Variants in MAGI2 observed in about 807,000 individuals in gnomAD.
MAGI2 encodes membrane-associated guanylate kinase, WW and PDZ domain-containing protein 2.
MAGI2 carries 35 observed loss-of-function variants against 133.3 expected under a neutral mutation model. The ratio of observed to expected loss-of-function variants is 0.26; its 90% CI spans 0.20 to 0.35. MAGI2 has a LOEUF of 0.35. MAGI2 is among the 10% of genes least tolerant of loss of function. The pLI is 1.00. For synonymous variants in MAGI2, 729 were observed against 710.6 expected, an observed-to-expected ratio of 1.03 and a Z score of -0.41; for missense variants, 1,636 against 1,863.4, an observed-to-expected ratio of 0.88 and a Z score of 2.25.
chr7:78,695,560 T>C (rs541495914), intron 2 of MAGI2, among the ~76,000 whole-genome samples: 1 of 152,332 alleles, frequency 6.6e-6, no homozygotes, highest in East Asian at 1.9e-4. Flanking sequence ...TTGGGGTTTC[T>C]AGACATTTCA....
Position 78,844,393 on chromosome 7 carries a change from A to G in MAGI2, c.418+162697T>C, listed in dbSNP as rs375616806. ...TCATTACTCATAATAGTCCAAAGGT[A>G]GAAACAACTCAAATGACTATCAGCT... On this transcript the variant is annotated intron_variant, in intron 2 of 21. Coordinates refer to ENST00000354212, the MANE Select transcript of MAGI2 (RefSeq NM_012301.4). Among the ~76,000 whole-genome samples the G allele has an allele frequency of 1.1e-4, 16 of 152,026 alleles. No homozygotes were observed. In the South Asian group the frequency reaches 2.5e-3, roughly 24 times the overall value.
chr7:78,415,460 TTCTG>T (rs1293938614), intron 6 of MAGI2, among the ~76,000 whole-genome samples: 1 of 152,120 alleles, frequency 6.6e-6, no homozygotes, highest in East Asian at 1.9e-4. Flanking sequence ...TTAAGAACAA[TTCTG>T]TCTATCTGTA....
chr7:78,333,516 T>A (rs1374887046), intron 9 of MAGI2, among the ~76,000 whole-genome samples: 1 of 152,186 alleles, frequency 6.6e-6, no homozygotes, highest in Non-Finnish European at 1.5e-5. Context: ...TCTGATTAGA[T>A]CATTTGGTTT....
chr7:78,969,373 C>T (rs1224290469), intron 2 of MAGI2, among the ~76,000 whole-genome samples: 1 of 152,064 alleles, frequency 6.6e-6, no homozygotes, highest in Non-Finnish European at 1.5e-5. Context: ...CCTACTTTCT[C>T]AACATGAGGA....
At chr7:78,281,055 TCTTC>T (rs151285861) in intron 9 of MAGI2, among the ~76,000 whole-genome samples, 287 of 151,612 alleles carry the variant, frequency 1.9e-3, no homozygotes, top group African/African-American at 6.4e-3. Context: ...CATTTTTTTC[TCTTC>T]CTTTTCATTT....
At chr7:78,589,075 C>T (rs1472547172) in intron 3 of MAGI2, among the ~76,000 whole-genome samples, 1 of 152,126 alleles carries the variant, frequency 6.6e-6, no homozygotes, top group Non-Finnish European at 1.5e-5. Flanking sequence ...AAAAGAATTG[C>T]TATTGTATTC....
chr7:78,611,948 A>G (rs927036715), intron 3 of MAGI2, among the ~76,000 whole-genome samples: 1 of 152,130 alleles, frequency 6.6e-6, no homozygotes, highest in Admixed American at 6.5e-5. Context: ...CTATAATCCA[A>G]ACTCCAGCTT....
At chr7:78,885,532 A>G (rs1409061656) in intron 2 of MAGI2, among the ~76,000 whole-genome samples, 2 of 152,102 alleles carry the variant, frequency 1.3e-5, no homozygotes, top group African/African-American at 4.8e-5. Context: ...GGAACAATCA[A>G]AGGAACTTTA....
chr7:78,256,617 G>T (rs1004958293), intron 9 of MAGI2, 36 bp from the exon 10 acceptor site: 2 of 1,544,202 alleles, frequency 1.3e-6, no homozygotes, highest in Non-Finnish European at 1.8e-6. Context: ...CATGAGGTAA[G>T]TTCAATTAAC....
intron 10 of MAGI2, among the ~76,000 whole-genome samples, chr7:78,205,227 G>C (rs1187478200): frequency 6.6e-6 from 1 of 152,158 alleles, no homozygotes; most frequent in African/African-American, 2.4e-5. Flanking sequence ...TACCTCCCAG[G>C]CTAAAGCGAT....
chr7:79,130,154 C>CAA (rs370367894), intron 1 of MAGI2, among the ~76,000 whole-genome samples: 4,279 of 120,350 alleles, frequency 0.036, 103 homozygotes, highest in Non-Finnish European at 0.046. Flanking sequence ...ACTCTCTCTA[C>CAA]AAAAAAAAAA....
At chr7:78,972,113 A>C (rs531551199) in intron 2 of MAGI2, among the ~76,000 whole-genome samples, 2 of 152,046 alleles carry the variant, frequency 1.3e-5, no homozygotes, top group East Asian at 3.9e-4. Context: ...ATATTTAAAA[A>C]TCTATACTTC....
intron 21 of MAGI2, chr7:78,035,036 T>C (rs1371139604): frequency 6.6e-6 from 1 of 152,380 alleles, no homozygotes; most frequent in Non-Finnish European, 1.5e-5. Flanking sequence ...GGGGAAGCCA[T>C]GATGCGCTTC....
chr7:78,205,565 T>C (rs1829655111), intron 10 of MAGI2, among the ~76,000 whole-genome samples: 1 of 152,228 alleles, frequency 6.6e-6, no homozygotes, highest in African/African-American at 2.4e-5. Flanking sequence ...GCATGAGACA[T>C]ATACTACATG....
At chr7:78,459,225 A>G (rs1473866548) in intron 6 of MAGI2, among the ~76,000 whole-genome samples, 3 of 152,252 alleles carry the variant, frequency 2.0e-5, no homozygotes, top group Non-Finnish European at 4.4e-5. Context: ...AATATAATCA[A>G]TATAAAACAT....
rs4730124 is a variant in MAGI2, at chr7:78,219,512, C to T, written c.2048-18319G>A. 6.2e-3 allele frequency among the ~76,000 whole-genome samples: 941 copies of T among 152,232 alleles called. 25 individuals carry two copies. Among genetic ancestry groups the T allele is most frequent in the East Asian group, 0.049 (253 of 5,174 alleles). ...GTTGAGTTCATTTTATCCTCAGGGC[C>T]TCTCGTACTACTGAAAACATCTAAT... On this transcript the variant is annotated intron_variant, in intron 10 of 21. Coordinates refer to ENST00000354212, the MANE Select transcript of MAGI2 (RefSeq NM_012301.4).
At chr7:78,555,862 T>G (rs1206971370) in intron 3 of MAGI2, among the ~76,000 whole-genome samples, 1 of 152,222 alleles carries the variant, frequency 6.6e-6, no homozygotes, top group Non-Finnish European at 1.5e-5. Context: ...CATTTATATA[T>G]TTTACAACCT....
chr7:78,639,440 C>T (rs1810040326), intron 2 of MAGI2, among the ~76,000 whole-genome samples: 1 of 151,952 alleles, frequency 6.6e-6, no homozygotes, highest in South Asian at 2.1e-4. Context: ...TTAATGAGTA[C>T]CCACTAGGAG....
intron 1 of MAGI2, among the ~76,000 whole-genome samples, chr7:79,079,128 C>G (rs761901195): frequency 1.3e-5 from 2 of 152,104 alleles, no homozygotes. Flanking sequence ...TCCTCTCTCA[C>G]CCCCTCCTCA....
Sources: allele counts gnomAD v4.1 joint callset (sites outside exome capture counted in the v4.1 genomes callset), GRCh38; gene constraint gnomAD v4.1.1; transcripts MANE v1.5; gene names NCBI Gene and HGNC (gene_info 2026-07-23, HGNC 2026-07-21).